The following ALPK3 variants were observed in gnomAD, a reference collection of about 807,000 sequenced individuals.
ALPK3 encodes the protein alpha kinase 3.
ALPK3 carries 102 observed loss-of-function variants against 140.0 expected under a neutral mutation model. The observed-to-expected ratio is 0.73, with a 90% confidence interval of 0.62 to 0.86. ALPK3 has a LOEUF of 0.86. ALPK3 is among the 40% of genes least tolerant of loss of function. The pLI is 0.00. For missense variants in ALPK3, 2,254 were observed against 2,208.2 expected (o/e 1.02, Z -0.42); for synonymous variants, 938 against 898.5 (o/e 1.04, Z -0.79).
Position 84,872,351 on chromosome 15 carries a change from G to A in ALPK3, c.*3895G>A, listed in dbSNP as rs755850536. The A allele has an allele frequency of 2.0e-5, 3 of 152,164 alleles. No homozygotes were observed. The highest frequency in any genetic ancestry group is 7.2e-5 in the African/African-American group (3 of 41,432). The allele number at this position is 152,164 out of a possible 1,614,324, so 9.4% of individuals were successfully genotyped here. On this transcript the variant is annotated 3_prime_UTR_variant, in exon 14 of 14. Transcript: ENST00000258888. ...TACCGCAAGCTATGTATGGCTCCGC[G>A]GTATGCCACCCATGGAAAGACACCT... is the stretch of plus-strand genomic sequence containing the variant.
chr15:84,820,908 G>A (rs1388651861), intron 1 of ALPK3, among the ~76,000 whole-genome samples: 1 of 152,190 alleles, frequency 6.6e-6, no homozygotes, highest in Non-Finnish European at 1.5e-5. Context: ...ATAGGCATGA[G>A]CCACTGTGCT....
intron 5 of ALPK3, among the ~76,000 whole-genome samples, chr15:84,855,547 G>A (rs1963851554): frequency 6.6e-6 from 1 of 152,202 alleles, no homozygotes; most frequent in African/African-American, 2.4e-5. Context: ...CACCATGTTT[G>A]ACAGGAAGTC....
intron 12 of ALPK3, among the ~76,000 whole-genome samples, chr15:84,865,481 A>G (rs1034222076): frequency 4.7e-4 from 72 of 152,188 alleles, no homozygotes; most frequent in African/African-American, 1.7e-3. Context: ...GGGCTAGGTA[A>G]CATTAAGCCA....
Position 84,868,380 on chromosome 15 carries a change from C to T in ALPK3, c.5042C>T (p.Ser1681Leu), listed in dbSNP as rs1178909534. 4.3e-6 allele frequency: 7 copies of T among 1,613,718 alleles called. No individual in the cohort carries two copies. The highest frequency in any genetic ancestry group is 5.9e-6 in the Non-Finnish European group (7 of 1,180,026). ...AGTTCCAAGGCCACCCCTCAGGCCT[C>T]AGAGCCAGTCACCACTCAGTTGTTG... is the stretch of plus-strand genomic sequence containing the variant. ...APSSKATPQA[S>L]EPVTTQLLGQ... is the part of the protein sequence containing the mutation. Residue 1681 changes from serine (S) to leucine (L), a missense_variant, in exon 14 of 14, where the codon TCA (serine) becomes TTA (leucine). Physicochemically the swap from Ser to Leu is moderately radical, Grantham distance 145. Transcript: ENST00000258888.
In ALPK3 at chr15:84,856,561, A is replaced by G. The variant is rs1567093313; in HGVS notation, c.1823A>G (p.Lys608Arg). The G allele has an allele frequency of 6.2e-7, 1 of 1,614,090 alleles. No individual in the cohort carries two copies. The highest frequency in any genetic ancestry group is 8.5e-7 in the Non-Finnish European group (1 of 1,180,056). The change falls in exon 6 of 14, where the codon AAG becomes AGG. Residue 608 changes from lysine to arginine, a missense_variant. By Grantham distance (26) the Lys-to-Arg change is conservative. This residue lies in a region of ALPK3 where 2,088 missense variants were observed against 2,022.9 expected (regional missense o/e 1.03). Coordinates refer to ENST00000258888, the MANE Select transcript of ALPK3 (RefSeq NM_020778.5). ...TSANQRTGSK[K>R]NVQADGKIQV... is the part of the protein sequence containing the mutation. The stretch of plus-strand genomic sequence containing the variant: ...GCTAACCAGAGAACTGGAAGCAAGA[A>G]GAATGTGCAGGCAGATGGGAAGATA...
intron 3 of ALPK3, among the ~76,000 whole-genome samples, chr15:84,837,673 A>G (rs556659438): frequency 2.3e-4 from 35 of 152,352 alleles, no homozygotes; most frequent in African/African-American, 7.7e-4. Flanking sequence ...TTCATTGGTA[A>G]GTCCAGAGGG....
chr15:84,850,855 C>T (rs1019505624), intron 5 of ALPK3, among the ~76,000 whole-genome samples: 1 of 148,196 alleles, frequency 6.7e-6, no homozygotes, highest in African/African-American at 2.5e-5. Flanking sequence ...CATTCCTTCT[C>T]ATATCTTTAC....
chr15:84,818,033 A>C (rs944133170), intron 1 of ALPK3, among the ~76,000 whole-genome samples: 12 of 152,072 alleles, frequency 7.9e-5, no homozygotes, highest in African/African-American at 2.4e-4. Context: ...CCAGAGTAGG[A>C]GCTGCTTAGC....
chr15:84,825,072 A>T (rs1323266786), intron 2 of ALPK3, among the ~76,000 whole-genome samples: 2 of 152,364 alleles, frequency 1.3e-5, no homozygotes, highest in East Asian at 3.9e-4. Context: ...TTTCTAATGT[A>T]AACATTTTTT....
chr15:84,865,072 G>T (rs1156298397), intron 12 of ALPK3, among the ~76,000 whole-genome samples: 2 of 152,108 alleles, frequency 1.3e-5, no homozygotes, highest in Non-Finnish European at 2.9e-5. Flanking sequence ...TTTTAGCCCA[G>T]TAGCTTTACT....
intron 1 of ALPK3, among the ~76,000 whole-genome samples, chr15:84,822,487 G>A (rs572489259): frequency 6.6e-6 from 1 of 152,330 alleles, no homozygotes; most frequent in East Asian, 1.9e-4. Context: ...CTCTTCTCAT[G>A]ATAGGGACAG....
intron 3 of ALPK3, among the ~76,000 whole-genome samples, chr15:84,836,403 G>A (rs1166147821): frequency 3.3e-5 from 5 of 152,220 alleles, no homozygotes; most frequent in Non-Finnish European, 5.9e-5. Context: ...TCAGTGAGGA[G>A]GTTATTAAAG....
Position 84,870,980 on chromosome 15 carries a change from G to A in ALPK3, c.*2524G>A, listed in dbSNP as rs1964064155. 1 of 152,410 alleles carries A rather than the reference G, an allele frequency of 6.6e-6. No homozygotes were observed. Among genetic ancestry groups the A allele is most frequent in the Non-Finnish European group, 1.5e-5 (1 of 68,038 alleles). The allele number at this position is 152,410 out of a possible 1,614,324, so 9.4% of individuals were successfully genotyped here. A position where few individuals can be genotyped will look rare whatever the true frequency, so the allele number is the denominator to read the frequency against. On this transcript the variant is annotated 3_prime_UTR_variant, in exon 14 of 14. Transcript: ENST00000258888. ...TCATATCTAACTTCGAATTCCAGGGGTAATGACACGGCTTCTATTCTCCAA... is the reference window on the plus strand; with the variant it reads ...TCATATCTAACTTCGAATTCCAGGGATAATGACACGGCTTCTATTCTCCAA...
At chr15:84,849,770 G>A (rs1029963682) in intron 5 of ALPK3, among the ~76,000 whole-genome samples, 2 of 152,014 alleles carry the variant, frequency 1.3e-5, no homozygotes, top group Admixed American at 1.3e-4. Context: ...TGAAGAAAAT[G>A]TATAGCATTA....
At chr15:84,865,945 AAAT>A in intron 12 of ALPK3, among the ~76,000 whole-genome samples, 1 of 152,320 alleles carries the variant, frequency 6.6e-6, no homozygotes, top group South Asian at 2.1e-4. Flanking sequence ...CATCTCAAAA[AAAT>A]AATAAAGAAA....
rs372072225 is a variant in ALPK3 at position 84,868,078 on chromosome 15, G to A, written c.4773-33G>A. The A allele has an allele frequency of 2.5e-6, 4 of 1,582,368 alleles. No individual in the cohort carries two copies. The African/African-American group carries it at 5.4e-5, about 21-fold the overall frequency. On this transcript the variant is annotated intron_variant, in intron 13 of 13. Transcript: ENST00000258888. ...CCCAAGGAACTGTGTCTCTGGTTGG[G>A]ACCCCCACTCAGCTCTTCCTGTCTG...
intron 3 of ALPK3, among the ~76,000 whole-genome samples, chr15:84,829,258 C>A (rs1210256696): frequency 6.6e-6 from 1 of 152,168 alleles, no homozygotes; most frequent in Non-Finnish European, 1.5e-5. Context: ...GGAATTAGCT[C>A]TTTTATACCA....
rs1489409757 is a variant in ALPK3, at chr15:84,840,931, A to G, written c.1652A>G (p.Glu551Gly). 1 of 1,572,194 alleles carries G rather than the reference A, an allele frequency of 6.4e-7. No homozygotes were observed. Among genetic ancestry groups the G allele is most frequent in the South Asian group, 1.2e-5 (1 of 85,408 alleles). Residue 551 changes from glutamate (E) to glycine (G), a missense_variant and splice_region_variant, in exon 5 of 14, where the codon GAG becomes GGG. Physicochemically the swap from Glu to Gly is moderately conservative, Grantham distance 98 (BLOSUM62 -2). Coordinates refer to ENST00000258888, the MANE Select transcript of ALPK3 (RefSeq NM_020778.5). ...QGQAGHRTPGEVLECQTTTAP... is the reference protein window; with the variant it reads ...QGQAGHRTPGGVLECQTTTAP... ...CAAGCAGGCCACAGGACTCCAGGAG[A>G]GGTAAGTGTGGGTGTTGGGTGCCTG... is the stretch of plus-strand genomic sequence containing the variant.
intron 12 of ALPK3, among the ~76,000 whole-genome samples, chr15:84,865,209 A>G (rs1163465323): frequency 6.6e-6 from 1 of 152,226 alleles, no homozygotes; most frequent in Non-Finnish European, 1.5e-5. Context: ...GCCAGCAGGC[A>G]TGAACCCTCC....
Sources: allele counts gnomAD v4.1 joint callset (sites outside exome capture counted in the v4.1 genomes callset), GRCh38; gene constraint gnomAD v4.1.1; regional missense constraint gnomAD v4.1.1; transcripts MANE v1.5; gene names NCBI Gene and HGNC (gene_info 2026-07-23, HGNC 2026-07-21).